Variants in ADAMTS12 observed in about 807,000 individuals in gnomAD.
ADAMTS12 encodes ADAM metallopeptidase with thrombospondin type 1 motif 12, also known as A disintegrin and metalloproteinase with thrombospondin motifs 12.
In ADAMTS12, 118 loss-of-function variants were observed where a neutral mutation model predicts 167.8. The ratio of observed to expected loss-of-function variants is 0.70; its 90% CI spans 0.61 to 0.82. ADAMTS12 has a LOEUF of 0.82. Ranked by LOEUF, ADAMTS12 falls within the 40% of genes least tolerant of loss-of-function variation. The pLI is 0.00. For missense variants in ADAMTS12, 1,916 were observed against 1,998.8 expected (o/e 0.96, Z 0.79); for synonymous variants, 704 against 716.9 (o/e 0.98, Z 0.29).
At chr5:33,755,358 G>C (rs1745131159) in intron 2 of ADAMTS12, among the ~76,000 whole-genome samples, 1 of 152,206 alleles carries the variant, frequency 6.6e-6, no homozygotes, top group Non-Finnish European at 1.5e-5. Context: ...AGATGCATTG[G>C]TGTGAGCCAG....
chr5:33,698,792 G>T (rs1164122351), intron 3 of ADAMTS12, among the ~76,000 whole-genome samples: 5 of 152,160 alleles, frequency 3.3e-5, no homozygotes, highest in Non-Finnish European at 7.3e-5. Context: ...ACAAAAATTA[G>T]CCAGGTGTGG....
intron 15 of ADAMTS12, 128 bp from the exon 16 acceptor site, chr5:33,614,504 T>G: frequency 4.6e-6 from 5 of 1,086,366 alleles, no homozygotes; most frequent in Non-Finnish European, 6.7e-6. Flanking sequence ...ATAAAGCCAT[T>G]AAATAGATCT....
At chr5:33,880,880 G>T (rs1266883745) in intron 2 of ADAMTS12, 1 of 497,282 alleles carries the variant, frequency 2.0e-6, no homozygotes, top group Non-Finnish European at 3.5e-6. Flanking sequence ...TGATGTTGCT[G>T]GTTGGAGTTC....
chr5:33,548,485 A>G (rs554449108), intron 21 of ADAMTS12, among the ~76,000 whole-genome samples: 59 of 152,258 alleles, frequency 3.9e-4, no homozygotes, highest in African/African-American at 1.2e-3. Context: ...GACACACTCA[A>G]AATATGCAGG....
chr5:33,770,754 C>T (rs1387077190), intron 2 of ADAMTS12, among the ~76,000 whole-genome samples: 1 of 152,002 alleles, frequency 6.6e-6, no homozygotes, highest in Non-Finnish European at 1.5e-5. Context: ...TCAGAGCTCC[C>T]AACCAGCACT....
At chr5:33,659,971 G>C (rs530722895) in intron 6 of ADAMTS12, among the ~76,000 whole-genome samples, 18 of 152,200 alleles carry the variant, frequency 1.2e-4, no homozygotes, top group Non-Finnish European at 1.6e-4. Flanking sequence ...AGTTTCAGCT[G>C]TCAGAGCTTG....
rs748574304 is a variant in ADAMTS12 at position 33,694,605 on chromosome 5, G to A, written c.635-10550C>T. Among the ~76,000 whole-genome samples the A allele has an allele frequency of 2.0e-5, 3 of 151,820 alleles. 1 individual carries two copies. Among genetic ancestry groups the A allele is most frequent in the South Asian group, 4.1e-4 (2 of 4,822 alleles). The stretch of plus-strand genomic sequence containing the variant: ...TAAAGTATAAAGGGAAAGACTGAAC[G>A]CAGAGAGCCACATGAACACACTTTC... On this transcript the variant is annotated intron_variant, in intron 3 of 23. Coordinates refer to ENST00000504830, the MANE Select transcript of ADAMTS12 (RefSeq NM_030955.4).
chr5:33,553,894 AG>A (rs1273425935), intron 20 of ADAMTS12, among the ~76,000 whole-genome samples: 1 of 152,212 alleles, frequency 6.6e-6, no homozygotes, highest in Non-Finnish European at 1.5e-5. Context: ...AAAAATTCTA[AG>A]CAGAACAGCA....
At chr5:33,549,465 C>T in intron 20 of ADAMTS12, 82 bp from the exon 21 acceptor site, 1 of 1,492,848 alleles carries the variant, frequency 6.7e-7, no homozygotes, top group Admixed American at 1.8e-5. Context: ...GTGGAGGCGC[C>T]AGGCATTCAG....
At chr5:33,771,818 T>C (rs1367480613) in intron 2 of ADAMTS12, among the ~76,000 whole-genome samples, 1 of 151,736 alleles carries the variant, frequency 6.6e-6, no homozygotes, top group Non-Finnish European at 1.5e-5. Context: ...GGTCCCCTCA[T>C]CCTTTTTCTT....
intron 16 of ADAMTS12, among the ~76,000 whole-genome samples, chr5:33,603,982 C>T (rs1207902779): frequency 6.6e-6 from 1 of 152,162 alleles, no homozygotes; most frequent in Non-Finnish European, 1.5e-5. Flanking sequence ...TAGTGTCTTA[C>T]TACCTTCTTA....
At chr5:33,765,155 TAGATTCAAC>T (rs1401912544) in intron 2 of ADAMTS12, among the ~76,000 whole-genome samples, 5 of 152,202 alleles carry the variant, frequency 3.3e-5, no homozygotes, top group Non-Finnish European at 2.9e-5. Context: ...TGCCCACCCT[TAGATTCAAC>T]AAGTATTTTG....
intron 2 of ADAMTS12, among the ~76,000 whole-genome samples, chr5:33,865,042 T>C (rs1210137817): frequency 6.6e-6 from 1 of 151,724 alleles, no homozygotes; most frequent in Non-Finnish European, 1.5e-5. Context: ...CTATAAGACA[T>C]TCAAAGAAAA....
Position 33,814,398 on chromosome 5 carries a change from T to C in ADAMTS12, c.490-62850A>G, listed in dbSNP as rs145037250. ...CTTGCTCCTAAATTAAGTGATTGCA[T>C]GTGAGATCTGTTTCTGGACTTACTG... is the stretch of plus-strand genomic sequence containing the variant. On this transcript the variant is annotated intron_variant, in intron 2 of 23. Coordinates refer to ENST00000504830, the MANE Select transcript of ADAMTS12 (RefSeq NM_030955.4). Among the ~76,000 whole-genome samples, 706 of 152,362 alleles carry C rather than the reference T, an allele frequency of 4.6e-3. 3 individuals are homozygous for C. The highest frequency in any genetic ancestry group is 0.016 in the African/African-American group (664 of 41,590).
At chr5:33,758,268 T>C (rs1745233760) in intron 2 of ADAMTS12, among the ~76,000 whole-genome samples, 1 of 152,142 alleles carries the variant, frequency 6.6e-6, no homozygotes, top group Admixed American at 6.5e-5. Context: ...TTTTAAAAGC[T>C]ACCCCCTGTC....
At chr5:33,595,450 C>A (rs1400102515) in intron 17 of ADAMTS12, among the ~76,000 whole-genome samples, 5 of 152,122 alleles carry the variant, frequency 3.3e-5, no homozygotes, top group Non-Finnish European at 2.9e-5. Flanking sequence ...ACGGACAGCC[C>A]CCCACAACAA....
Position 33,881,445 on chromosome 5 carries a change from C to G in ADAMTS12, c.163G>C (p.Val55Leu), listed in dbSNP as rs1750440747. ...FIKGLPEYHV[V>L]GPVRVDASGH... is the part of the protein sequence containing the mutation. ...CTGGCATCTACTCGGACTGGACCCACCACGTGGTATTCTGGCAGGCCCTTG... is the reference window on the plus strand; with the variant it reads ...CTGGCATCTACTCGGACTGGACCCAGCACGTGGTATTCTGGCAGGCCCTTG... The change falls in exon 2 of 24, where the codon GTG (valine) becomes CTG (leucine). Residue 55 changes from valine to leucine, a missense_variant. Transcript: ENST00000504830. 6.2e-7 allele frequency: 1 copy of G among 1,613,694 alleles called. No homozygotes were observed. The highest frequency in any genetic ancestry group is 8.5e-7 in the Non-Finnish European group (1 of 1,179,928).
chr5:33,690,128 C>A (rs1014939993), intron 3 of ADAMTS12, among the ~76,000 whole-genome samples: 9 of 152,230 alleles, frequency 5.9e-5, no homozygotes, highest in African/African-American at 2.2e-4. Context: ...CAGAGTCAAA[C>A]ACCAGTGCAG....
intron 19 of ADAMTS12, among the ~76,000 whole-genome samples, chr5:33,570,944 T>C (rs1467686263): frequency 1.3e-5 from 2 of 151,332 alleles, no homozygotes; most frequent in Non-Finnish European, 2.9e-5. Context: ...GGGGTTGCAA[T>C]CCTAGTCTCT....
Sources: allele counts gnomAD v4.1 joint callset (sites outside exome capture counted in the v4.1 genomes callset), GRCh38; gene constraint gnomAD v4.1.1; transcripts MANE v1.5; gene names NCBI Gene and HGNC (gene_info 2026-07-23, HGNC 2026-07-21).